The following SRGAP2B variants were observed in gnomAD, a reference collection of about 807,000 sequenced individuals.
SRGAP2B encodes SLIT-ROBO Rho GTPase activating protein 2B, also known as SLIT-ROBO Rho GTPase-activating protein 2B.
SRGAP2B carries 9 observed loss-of-function variants against 22.2 expected under a neutral mutation model. The observed-to-expected ratio is 0.41, with a 90% CI of 0.24 to 0.71. The LOEUF (loss-of-function observed/expected upper bound fraction) is 0.71, where lower values mean the gene tolerates loss of function less well. Ranked by LOEUF, SRGAP2B falls within the 30% of genes least tolerant of loss-of-function variation. The pLI is 0.35. For missense variants in SRGAP2B, 114 were observed against 235.8 expected, an observed-to-expected ratio of 0.48 and a Z score of 3.38; for synonymous variants, 36 against 87.4, an observed-to-expected ratio of 0.41 and a Z score of 3.28.
At position 145,080,722 on chromosome 1, in the gene SRGAP2B, C is replaced by T. The variant is rs61824993; in HGVS notation, c.67+12113G>A. ...GGCGCCCGCCACCATGCCCAGCTAA[C>T]TTTTGTATTTTTAATAGAGACAGGG... is the stretch of plus-strand genomic sequence containing the variant. On this transcript the variant is annotated intron_variant, in intron 2 of 9. Transcript: ENST00000612199. 2.7e-5 allele frequency among the ~76,000 whole-genome samples: 4 copies of T among 149,004 alleles called. 1 individual carries two copies. Among genetic ancestry groups the T allele is most frequent in the African/African-American group, 1.0e-4 (4 of 39,086 alleles).
Position 144,985,503 on chromosome 1 carries a change from T to TAA in SRGAP2B, c.260+9503_260+9504dup, listed in dbSNP as rs60307527. 2.4e-3 allele frequency among the ~76,000 whole-genome samples: 351 copies of TAA among 148,196 alleles called. 1 individual carries two copies. Among genetic ancestry groups the TAA allele is most frequent in the Non-Finnish European group, 4.1e-3 (278 of 67,400 alleles). The stretch of plus-strand genomic sequence containing the variant: ...AAAGGTAATTTACAGCAAGTCTATT[T>TAA]AAAAAAAAAACAAACAAACAGCCAA... On this transcript the variant is annotated intron_variant, in intron 3 of 9. Coordinates refer to ENST00000612199, the Ensembl canonical transcript of SRGAP2B.
intron 3 of SRGAP2B, among the ~76,000 whole-genome samples, chr1:144,991,947 C>T (rs1170454053): frequency 2.8e-5 from 4 of 141,740 alleles, no homozygotes; most frequent in Admixed American, 7.0e-5. Flanking sequence ...CCCTTCCACA[C>T]GGTGGAAGGT....
chr1:144,976,290 A>G (rs1429702402), intron 3 of SRGAP2B, among the ~76,000 whole-genome samples: 1 of 146,158 alleles, frequency 6.8e-6, no homozygotes, highest in East Asian at 2.0e-4. Flanking sequence ...AGAGAACAGG[A>G]AAGGGGAGAA....
intron 3 of SRGAP2B, among the ~76,000 whole-genome samples, chr1:144,960,481 A>G (rs868978951): frequency 6.7e-6 from 1 of 150,246 alleles, no homozygotes; most frequent in South Asian, 2.1e-4. Context: ...ACATTAGCCC[A>G]GCTTTTCTCC....
At chr1:144,975,351 A>T (rs1668816738) in intron 3 of SRGAP2B, among the ~76,000 whole-genome samples, 1 of 149,376 alleles carries the variant, frequency 6.7e-6, no homozygotes, top group Non-Finnish European at 1.5e-5. Flanking sequence ...TCATGTTGAA[A>T]TTTGATTGCA....
chr1:144,983,090 G>A (rs1669424931), intron 3 of SRGAP2B, among the ~76,000 whole-genome samples: 1 of 148,154 alleles, frequency 6.7e-6, no homozygotes, highest in Non-Finnish European at 1.5e-5. Context: ...AGTGAGTGAT[G>A]CACTGGTCCC....
intron 2 of SRGAP2B, among the ~76,000 whole-genome samples, chr1:145,085,362 G>T: frequency 7.6e-6 from 1 of 131,758 alleles, no homozygotes; most frequent in Middle Eastern, 3.6e-3. Flanking sequence ...AGTAATGGCT[G>T]AGACACAATT....
intron 2 of SRGAP2B, among the ~76,000 whole-genome samples, chr1:145,025,932 C>A (rs548633): frequency 6.7e-6 from 1 of 149,364 alleles, no homozygotes; most frequent in Non-Finnish European, 1.5e-5. Flanking sequence ...GGGGTACCTA[C>A]AACACGCCTT....
intron 3 of SRGAP2B, among the ~76,000 whole-genome samples, chr1:144,970,764 T>C (rs2102010716): frequency 6.7e-6 from 1 of 149,308 alleles, no homozygotes; most frequent in Admixed American, 6.7e-5. Flanking sequence ...CAAAAATGAA[T>C]AACTGTTTAT....
intron 3 of SRGAP2B, among the ~76,000 whole-genome samples, chr1:144,966,323 T>G (rs1668081173): frequency 6.7e-6 from 1 of 148,894 alleles, no homozygotes; most frequent in South Asian, 2.1e-4. Context: ...CAGAAGAGAG[T>G]GGGGGCCAAT....
chr1:145,017,415 G>A (rs1553623405), intron 2 of SRGAP2B, among the ~76,000 whole-genome samples: 1 of 144,974 alleles, frequency 6.9e-6, no homozygotes, highest in Non-Finnish European at 1.5e-5. Context: ...TAGCTTGACT[G>A]GATGAACCTG....
At chr1:144,943,338 G>A (rs1257391351) in intron 4 of SRGAP2B, among the ~76,000 whole-genome samples, 2 of 150,928 alleles carry the variant, frequency 1.3e-5, no homozygotes, top group Non-Finnish European at 2.9e-5. Flanking sequence ...CATGGCCTGG[G>A]TATTAGATGA....
At chr1:144,955,653 A>G in intron 3 of SRGAP2B, 52 bp from the exon 4 acceptor site, 1 of 615,644 alleles carries the variant, frequency 1.6e-6, no homozygotes, top group Non-Finnish European at 2.9e-6. Context: ...CAGCCAGGGC[A>G]ACATCTACAA....
chr1:144,987,829 G>A (rs1669860824), intron 3 of SRGAP2B, among the ~76,000 whole-genome samples: 1 of 150,904 alleles, frequency 6.6e-6, no homozygotes, highest in Non-Finnish European at 1.5e-5. Flanking sequence ...ACAAAAATGA[G>A]TGGAAATGGA....
chr1:145,012,872 G>T (rs1672159119), intron 2 of SRGAP2B, among the ~76,000 whole-genome samples: 1 of 146,696 alleles, frequency 6.8e-6, no homozygotes, highest in Non-Finnish European at 1.5e-5. Flanking sequence ...ATCACTTGAG[G>T]CCAGGAGTTC....
At chr1:144,980,014 G>A (rs1372552174) in intron 3 of SRGAP2B, among the ~76,000 whole-genome samples, 1 of 150,404 alleles carries the variant, frequency 6.6e-6, no homozygotes, top group Non-Finnish European at 1.5e-5. Flanking sequence ...ACCCATTACC[G>A]GAGAAAACAG....
chr1:144,939,236 T>C (rs1665851049), intron 4 of SRGAP2B, among the ~76,000 whole-genome samples: 1 of 133,886 alleles, frequency 7.5e-6, no homozygotes, highest in East Asian at 2.2e-4. Context: ...ACATCTCTAA[T>C]GGGGACAAAG....
chr1:144,925,779 GA>G (rs1197699713), intron 4 of SRGAP2B, among the ~76,000 whole-genome samples: 1 of 137,416 alleles, frequency 7.3e-6, no homozygotes, highest in Admixed American at 7.2e-5. Context: ...AAGAAAGAAA[GA>G]AAGAAAGAAA....
Position 144,956,729 on chromosome 1 carries a change from T to C in SRGAP2B, c.261-1128A>G, listed in dbSNP as rs1667295831. 2.0e-5 allele frequency among the ~76,000 whole-genome samples: 3 copies of C among 150,404 alleles called. No homozygotes were observed. In the South Asian group the frequency reaches 6.3e-4, roughly 31 times the overall value. ...TCCCAAAGTGCTGGGATTATAGGAGTGAGCCACCGCGCCCGGCCCTAGATG... is the reference window on the plus strand; with the variant it reads ...TCCCAAAGTGCTGGGATTATAGGAGCGAGCCACCGCGCCCGGCCCTAGATG... On this transcript the variant is annotated intron_variant, in intron 3 of 9. Transcript: ENST00000612199.
Sources: gnomAD v4.1 joint callset for allele counts (sites outside exome capture counted in the v4.1 genomes callset) on GRCh38, gnomAD v4.1.1 for gene constraint, MANE v1.5 for transcripts, NCBI Gene and HGNC (gene_info 2026-07-23, HGNC 2026-07-21) for gene names.